Variants in IL16 observed in about 807,000 individuals in gnomAD.
The protein encoded by IL16 is interleukin 16, also known as pro-interleukin-16.
A neutral mutation model predicts 110.1 loss-of-function variants in IL16; 67 were observed. That is an observed-to-expected ratio of 0.61 (90% CI 0.50 to 0.75). IL16 has a LOEUF of 0.75. Ranked by LOEUF, IL16 falls within the 30% of genes least tolerant of loss-of-function variation. The pLI is 0.00. For synonymous variants in IL16, 689 were observed against 662.9 expected (o/e 1.04, Z -0.61); for missense variants, 1,545 against 1,655.0 (o/e 0.93, Z 1.15).
Position 81,292,797 on chromosome 15 carries a change from G to A in IL16, c.1662G>A (p.Val554=). 1 of 1,614,096 alleles carries A rather than the reference G, an allele frequency of 6.2e-7. No homozygotes were observed. The highest frequency in any genetic ancestry group is 8.5e-7 in the Non-Finnish European group (1 of 1,180,008). Residue 554 remains valine (V), a synonymous_variant, in exon 12 of 19, where the codon GTG becomes GTA. Coordinates refer to ENST00000683961, the MANE Select transcript of IL16 (RefSeq NM_172217.5). ...TGCCTCTGGCACGGGAGCCAGTGGT[G>A]CTTTCTATAGCATCCTCCAGGCTGC... ...PSLPLAREPV[V]LSIASSRLPQ...
Position 81,251,907 on chromosome 15 carries a change from T to G in IL16, c.313-7865T>G, listed in dbSNP as rs558036925. On this transcript the variant is annotated intron_variant, in intron 2 of 18. Coordinates refer to ENST00000683961, the MANE Select transcript of IL16 (RefSeq NM_172217.5). Reference sequence around the variant, plus strand: ...CCAAATTATTAACAGAAATAATTTCTTAGTAACATAATGCTGTAATGTGTT... The same window carrying G: ...CCAAATTATTAACAGAAATAATTTCGTAGTAACATAATGCTGTAATGTGTT... Among the ~76,000 whole-genome samples, 4 of 152,294 alleles carry G rather than the reference T, an allele frequency of 2.6e-5. No homozygotes were observed. In the East Asian group the frequency reaches 7.7e-4, roughly 29 times the overall value.
At chr15:81,288,251 T>G (rs1394525507) in intron 10 of IL16, among the ~76,000 whole-genome samples, 1 of 139,732 alleles carries the variant, frequency 7.2e-6, no homozygotes, top group Non-Finnish European at 1.6e-5. Context: ...CTGGCATGTG[T>G]CCAGTCTGCT....
chr15:81,265,560 A>C (rs1898338257), intron 3 of IL16, 99 bp from the exon 4 acceptor site: 4 of 1,369,406 alleles, frequency 2.9e-6, no homozygotes, highest in Non-Finnish European at 4.0e-6. Context: ...TTACAGTCAC[A>C]CTGGCCCCTG....
chr15:81,261,413 A>T (rs545997394), intron 3 of IL16, among the ~76,000 whole-genome samples: 159 of 152,212 alleles, frequency 1.0e-3, no homozygotes, highest in Middle Eastern at 0.01. Flanking sequence ...AGTTCAGTCA[A>T]TGACAGGCAT....
chr15:81,301,582 C>A, intron 15 of IL16, 70 bp downstream of exon 15: 1 of 1,417,688 alleles, frequency 7.1e-7, no homozygotes, highest in Non-Finnish European at 9.7e-7. Context: ...CTTAGTTGGG[C>A]CAGAGGGGAA....
At position 81,306,482 on chromosome 15, in the gene IL16, C is replaced by G. The variant is rs1900567600; in HGVS notation, c.3742C>G (p.Leu1248Val). 1 of 1,613,408 alleles carries G rather than the reference C, an allele frequency of 6.2e-7. No homozygotes were observed. The change falls in exon 18 of 19, where the codon CTG becomes GTG. Residue 1248 changes from leucine (L) to valine (V), a missense_variant. Transcript: ENST00000683961. ...EKMSAGLGFS[L>V]EGGKGSLHGD... ...GATGTCGGCAGGGCTGGGCTTCAGC[C>G]TGGAAGGAGGGAAGGGCTCCCTACA... is the stretch of plus-strand genomic sequence containing the variant.
chr15:81,261,355 T>TGGCTCCCTGGAATCCCCAG (rs1898147956), intron 3 of IL16, among the ~76,000 whole-genome samples: 1 of 152,184 alleles, frequency 6.6e-6, no homozygotes, highest in South Asian at 2.1e-4. Flanking sequence ...CAGAGCTCCC[T>TGGCTCCCTGGAATCCCCAG]GGCTCCCTGG....
intron 1 of IL16, among the ~76,000 whole-genome samples, chr15:81,211,604 C>A (rs1255689350): frequency 2.0e-5 from 3 of 152,090 alleles, no homozygotes; most frequent in African/African-American, 4.8e-5. Context: ...TCTTGGCTGG[C>A]CTTTAACTCC....
chr15:81,236,708 T>A (rs1272811618), intron 2 of IL16, among the ~76,000 whole-genome samples: 1 of 151,966 alleles, frequency 6.6e-6, no homozygotes, highest in African/African-American at 2.4e-5. Context: ...GTAATTACAA[T>A]ACTTTGGGAG....
At chr15:81,233,165 TA>T (rs1251541963) in intron 2 of IL16, among the ~76,000 whole-genome samples, 1 of 152,160 alleles carries the variant, frequency 6.6e-6, no homozygotes, top group Non-Finnish European at 1.5e-5. Context: ...AAAAATCTTA[TA>T]TTTTTACTCA....
chr15:81,243,157 A>AT, intron 2 of IL16, among the ~76,000 whole-genome samples: 2 of 36,582 alleles, frequency 5.5e-5, no homozygotes, highest in Admixed American at 3.7e-4. Flanking sequence ...ATATATATAT[A>AT]TATATATTTT....
rs930869509 is a variant in IL16 at position 81,306,339 on chromosome 15, C to T, written c.3680-81C>T. ...GTGTGCAAACACGGGGGCTGTATCACCCCGGGCTCACTTGAAGCCCAGGGC... is the reference window on the plus strand; with the variant it reads ...GTGTGCAAACACGGGGGCTGTATCATCCCGGGCTCACTTGAAGCCCAGGGC... On this transcript the variant is annotated intron_variant, in intron 17 of 18. Coordinates refer to ENST00000683961, the MANE Select transcript of IL16 (RefSeq NM_172217.5). 1.3e-5 allele frequency: 21 copies of T among 1,581,322 alleles called. No individual in the cohort carries two copies. The African/African-American group carries it at 2.3e-4, about 17-fold the overall frequency.
At chr15:81,267,358 T>TA (rs2142223689) in intron 4 of IL16, among the ~76,000 whole-genome samples, 1 of 152,254 alleles carries the variant, frequency 6.6e-6, no homozygotes, top group East Asian at 1.9e-4. Flanking sequence ...GAGACTCAGT[T>TA]ATTCCCTCTA....
chr15:81,243,164 T>TATATACATATATATATATATATA (rs60077602), intron 2 of IL16, among the ~76,000 whole-genome samples: 15 of 15,748 alleles, frequency 9.5e-4, no homozygotes, highest in Non-Finnish European at 1.2e-3. Context: ...TATATATATA[T>TATATACATATATATATATATATA]TTTTTTTTTT....
chr15:81,216,035 T>A (rs1221264452), intron 1 of IL16, among the ~76,000 whole-genome samples: 3 of 152,158 alleles, frequency 2.0e-5, no homozygotes, highest in Admixed American at 6.5e-5. Flanking sequence ...GGCTAGCATG[T>A]AGGAAGGCTT....
intron 2 of IL16, among the ~76,000 whole-genome samples, chr15:81,227,000 C>T (rs1896810707): frequency 6.6e-6 from 1 of 152,150 alleles, no homozygotes; most frequent in Admixed American, 6.5e-5. Flanking sequence ...TTCCTGAGCA[C>T]CTATTATCTG....
intron 4 of IL16, among the ~76,000 whole-genome samples, chr15:81,267,507 G>C (rs36078414): frequency 0.073 from 7,295 of 100,254 alleles, 269 homozygotes; most frequent in African/African-American, 0.23. Context: ...CACACACACA[G>C]AGAGAGCGAG....
At chr15:81,200,151 A>G (rs1895758084) in intron 1 of IL16, among the ~76,000 whole-genome samples, 1 of 152,120 alleles carries the variant, frequency 6.6e-6, no homozygotes, top group Non-Finnish European at 1.5e-5. Flanking sequence ...CATATTTTAT[A>G]TTATCTTTTT....
chr15:81,276,580 T>G (rs759342542), intron 6 of IL16, among the ~76,000 whole-genome samples: 1 of 152,168 alleles, frequency 6.6e-6, no homozygotes, highest in Non-Finnish European at 1.5e-5. Context: ...AAACTTAACT[T>G]TACCCATGGC....
Sources: gnomAD v4.1 joint callset for allele counts (sites outside exome capture counted in the v4.1 genomes callset) on GRCh38, gnomAD v4.1.1 for gene constraint, MANE v1.5 for transcripts, NCBI Gene and HGNC (gene_info 2026-07-23, HGNC 2026-07-21) for gene names.